The following CTNNA3 variants were observed in gnomAD, a reference collection of about 807,000 sequenced individuals.
The protein encoded by CTNNA3 is catenin alpha-3.
A neutral mutation model predicts 95.7 loss-of-function variants in CTNNA3; 76 were observed. That is an observed-to-expected ratio of 0.79 (90% CI 0.66 to 0.96). The LOEUF is 0.96. CTNNA3 is among the 40% of genes least tolerant of loss of function. The pLI is 0.00. For missense variants in CTNNA3, 1,191 were observed against 1,089.8 expected, an observed-to-expected ratio of 1.09 and a Z score of -1.31; for synonymous variants, 431 against 374.4, an observed-to-expected ratio of 1.15 and a Z score of -1.74.
At chr10:66,173,637 C>G (rs1353105972) in intron 13 of CTNNA3, among the ~76,000 whole-genome samples, 1 of 151,986 alleles carries the variant, frequency 6.6e-6, no homozygotes, top group East Asian at 1.9e-4. Flanking sequence ...GAGCCATCAT[C>G]ATGTCACTGT....
intron 9 of CTNNA3, among the ~76,000 whole-genome samples, chr10:66,733,648 T>A (rs1175983724): frequency 6.6e-6 from 1 of 151,856 alleles, no homozygotes; most frequent in African/African-American, 2.4e-5. Context: ...CACTCAGGTA[T>A]ATACATAATC....
At chr10:66,148,244 A>G (rs568349983) in intron 13 of CTNNA3, among the ~76,000 whole-genome samples, 81 of 152,130 alleles carry the variant, frequency 5.3e-4, no homozygotes, top group African/African-American at 1.8e-3. Flanking sequence ...TACTCTGTTT[A>G]TAGTATAGTA....
chr10:66,195,242 T>C (rs1314902885), intron 13 of CTNNA3, among the ~76,000 whole-genome samples: 1 of 152,074 alleles, frequency 6.6e-6, no homozygotes, highest in Non-Finnish European at 1.5e-5. Context: ...TTATTTTCTC[T>C]ATATATAACA....
At chr10:66,115,761 A>G (rs1400390065) in intron 13 of CTNNA3, among the ~76,000 whole-genome samples, 1 of 152,160 alleles carries the variant, frequency 6.6e-6, no homozygotes, top group African/African-American at 2.4e-5. Flanking sequence ...TAATAAAGCA[A>G]AAAACTGCCT....
chr10:66,706,396 C>T (rs1363880565), intron 9 of CTNNA3, among the ~76,000 whole-genome samples: 1 of 150,834 alleles, frequency 6.6e-6, no homozygotes, highest in East Asian at 2.0e-4. Flanking sequence ...CCCCACTACT[C>T]TTCCTATGCA....
chr10:67,311,799 T>C (rs1259170369), intron 5 of CTNNA3, among the ~76,000 whole-genome samples: 3 of 152,204 alleles, frequency 2.0e-5, no homozygotes, highest in Admixed American at 1.3e-4. Context: ...GAACAATGTG[T>C]TCTAGAAGAG....
intron 12 of CTNNA3, among the ~76,000 whole-genome samples, chr10:66,290,747 T>G (rs2091667578): frequency 6.6e-6 from 1 of 152,140 alleles, no homozygotes; most frequent in African/African-American, 2.4e-5. Flanking sequence ...AGAAAGTCAA[T>G]GCATAAATGA....
chr10:67,189,108 C>A (rs1862998009), intron 6 of CTNNA3, among the ~76,000 whole-genome samples: 1 of 150,448 alleles, frequency 6.6e-6, no homozygotes, highest in South Asian at 2.1e-4. Context: ...CAGAGCGAGA[C>A]CCTGTCAAAC....
Position 66,903,877 on chromosome 10 carries a change from C to G in CTNNA3, c.1048-128353G>C, listed in dbSNP as rs550555161. On this transcript the variant is annotated intron_variant, in intron 7 of 17. Coordinates refer to ENST00000433211, the MANE Select transcript of CTNNA3 (RefSeq NM_013266.4). ...CAAACCACTGCTCAATTAAATAAAACAGGACACAAACAAATGGAAGAACAT... is the reference window on the plus strand; with the variant it reads ...CAAACCACTGCTCAATTAAATAAAAGAGGACACAAACAAATGGAAGAACAT... 4.1e-4 allele frequency among the ~76,000 whole-genome samples: 63 copies of G among 152,078 alleles called. No individual in the cohort carries two copies. In the South Asian group the frequency reaches 7.3e-3, roughly 18 times the overall value.
chr10:66,827,389 C>T (rs557996065), intron 7 of CTNNA3, among the ~76,000 whole-genome samples: 2 of 152,178 alleles, frequency 1.3e-5, no homozygotes, highest in Non-Finnish European at 2.9e-5. Context: ...ACAATCTCTT[C>T]CACTCAAATC....
chr10:66,184,082 G>A (rs10822740), intron 13 of CTNNA3, among the ~76,000 whole-genome samples: 26,752 of 151,986 alleles, frequency 0.18, 2,797 homozygotes, highest in South Asian at 0.4. Flanking sequence ...CAGATCACCT[G>A]AGGTCAGGAG....
At chr10:67,536,300 A>T (rs1215709083) in intron 4 of CTNNA3, among the ~76,000 whole-genome samples, 2 of 152,094 alleles carry the variant, frequency 1.3e-5, no homozygotes, top group Non-Finnish European at 2.9e-5. Flanking sequence ...CAGAAAGCAA[A>T]ACTAGACGCA....
At chr10:66,978,552 A>AAAAAATATATATATATATAT in intron 7 of CTNNA3, among the ~76,000 whole-genome samples, 10 of 37,876 alleles carry the variant, frequency 2.6e-4, no homozygotes, top group South Asian at 2.3e-3. Flanking sequence ...AAAAAAAAAA[A>AAAAAATATATATATATATAT]ATATATATAT....
chr10:65,991,060 C>T (rs1365529210), intron 15 of CTNNA3, among the ~76,000 whole-genome samples: 1 of 151,964 alleles, frequency 6.6e-6, no homozygotes, highest in Non-Finnish European at 1.5e-5. Context: ...TGTCGAAAAC[C>T]AGTTGGTTAT....
intron 3 of CTNNA3, among the ~76,000 whole-genome samples, chr10:67,548,823 C>T (rs1007117051): frequency 2.0e-5 from 3 of 151,380 alleles, no homozygotes; most frequent in African/African-American, 7.3e-5. Context: ...AAAGACAACA[C>T]ACAGAATGGA....
intron 7 of CTNNA3, among the ~76,000 whole-genome samples, chr10:67,145,212 C>T (rs1321796410): frequency 6.6e-6 from 1 of 152,074 alleles, no homozygotes; most frequent in Non-Finnish European, 1.5e-5. Flanking sequence ...TCACAGAACA[C>T]CTTAACATAT....
intron 13 of CTNNA3, among the ~76,000 whole-genome samples, chr10:66,111,892 C>T (rs561429424): frequency 2.6e-5 from 4 of 152,094 alleles, no homozygotes. Flanking sequence ...CAGACTTTTC[C>T]TATGCTTAAA....
At chr10:66,724,054 T>A (rs533138147) in intron 9 of CTNNA3, among the ~76,000 whole-genome samples, 1 of 152,098 alleles carries the variant, frequency 6.6e-6, no homozygotes, top group Non-Finnish European at 1.5e-5. Flanking sequence ...GGATTGCTAC[T>A]CCCTGTGTTT....
chr10:67,745,276 T>C (rs1374079075), intron 1 of CTNNA3, among the ~76,000 whole-genome samples: 1 of 151,944 alleles, frequency 6.6e-6, no homozygotes, highest in Non-Finnish European at 1.5e-5. Context: ...CCAACAACGA[T>C]AGACTGGATT....
Sources: gnomAD v4.1 joint callset for allele counts (sites outside exome capture counted in the v4.1 genomes callset) on GRCh38, gnomAD v4.1.1 for gene constraint, MANE v1.5 for transcripts, NCBI Gene and HGNC (gene_info 2026-07-23, HGNC 2026-07-21) for gene names.